The following LNX1 variants were observed in gnomAD, a reference collection of about 807,000 sequenced individuals.
LNX1 encodes ligand of numb-protein X 1.
A neutral mutation model predicts 68.4 loss-of-function variants in LNX1; 54 were observed. That is an observed-to-expected ratio of 0.79 (90% CI 0.63 to 0.99). The LOEUF is 0.99. Ranked by LOEUF, LNX1 falls within the 50% of genes least tolerant of loss-of-function variation. The probability of loss-of-function intolerance (pLI) is 0.00; values close to 1 mark genes in which losing one functional copy is unlikely to be tolerated. For synonymous variants in LNX1, 336 were observed against 350.0 expected, an observed-to-expected ratio of 0.96 and a Z score of 0.45; for missense variants, 906 against 926.4, an observed-to-expected ratio of 0.98 and a Z score of 0.29.
intron 1 of LNX1, among the ~76,000 whole-genome samples, chr4:53,638,341 A>G (rs1191176733): frequency 1.3e-5 from 2 of 152,218 alleles, no homozygotes; most frequent in Non-Finnish European, 2.9e-5. Context: ...GGTATAGTCA[A>G]TTGGTCAACC....
At chr4:53,613,520 C>T (rs868198565) in intron 2 of LNX1, among the ~76,000 whole-genome samples, 7 of 152,206 alleles carry the variant, frequency 4.6e-5, no homozygotes, top group Middle Eastern at 3.4e-3. Context: ...CACCCCCCAC[C>T]GTCCAGTAAG....
chr4:53,475,905 G>A (rs1723530611), intron 9 of LNX1, among the ~76,000 whole-genome samples: 1 of 152,180 alleles, frequency 6.6e-6, no homozygotes, highest in East Asian at 1.9e-4. Context: ...CCTAAGGAGA[G>A]ATGATCTAAG....
rs1228258255 is a variant in LNX1, at chr4:53,576,473, GC to G, written c.-86-2386del. The G allele has an allele frequency of 7.5e-6, 10 of 1,330,772 alleles. No individual in the cohort carries two copies. In the Admixed American group the frequency reaches 3.2e-4, roughly 42 times the overall value. The allele number at this position is 1,330,772 out of a possible 1,614,324, so 82.4% of individuals were successfully genotyped here. A position where few individuals can be genotyped will look rare whatever the true frequency, so the allele number is the denominator to read the frequency against. The stretch of plus-strand genomic sequence containing the variant: ...AGTGCAGCTGACTCTTCCCAGGACA[GC>G]CCTGCCCTTCCCATGAGGCAGGCTC... On this transcript the variant is annotated intron_variant, in intron 1 of 10. Coordinates refer to ENST00000263925, the MANE Select transcript of LNX1 (RefSeq NM_001126328.3).
intron 2 of LNX1, among the ~76,000 whole-genome samples, chr4:53,561,393 A>C (rs566000383): frequency 6.6e-6 from 1 of 152,106 alleles, no homozygotes; most frequent in South Asian, 2.1e-4. Context: ...ACACCCAGCT[A>C]ATTTTTCTAT....
chr4:53,565,833 G>A (rs1013786584), intron 2 of LNX1, among the ~76,000 whole-genome samples: 5 of 151,768 alleles, frequency 3.3e-5, no homozygotes, highest in Middle Eastern at 3.2e-3. Flanking sequence ...ACCAAGGCTC[G>A]AGAACTACGT....
intron 2 of LNX1, among the ~76,000 whole-genome samples, chr4:53,610,857 A>G (rs1250718910): frequency 3.3e-5 from 5 of 152,062 alleles, no homozygotes; most frequent in Admixed American, 3.3e-4. Flanking sequence ...ATAAATTTAA[A>G]CTTGTTATAT....
intron 6 of LNX1, among the ~76,000 whole-genome samples, chr4:53,495,114 A>G (rs999321770): frequency 2.0e-5 from 3 of 152,208 alleles, no homozygotes; most frequent in Admixed American, 1.3e-4. Context: ...GTGATGCCAT[A>G]CTATGGTTTT....
chr4:53,641,822 ATT>A (rs1734691153), intron 1 of LNX1, among the ~76,000 whole-genome samples: 1 of 152,124 alleles, frequency 6.6e-6, no homozygotes, highest in South Asian at 2.1e-4. Context: ...TGGTATGATA[ATT>A]TCAGGATTTA....
rs538473433 is a variant in LNX1, at chr4:53,590,570, T to C, written c.-87+818A>G. ...CAAAAATGGATCCTAGAGGTAAAAT[T>C]ACTTTAAAAGCCAGGTCCTGGCAGA... On this transcript the variant is annotated intron_variant, in intron 1 of 10. Coordinates refer to ENST00000263925, the MANE Select transcript of LNX1 (RefSeq NM_001126328.3). Among the ~76,000 whole-genome samples the C allele has an allele frequency of 4.6e-5, 7 of 152,220 alleles. No homozygotes were observed. The South Asian group carries it at 1.5e-3, about 32-fold the overall frequency.
intron 4 of LNX1, among the ~76,000 whole-genome samples, chr4:53,502,470 T>C (rs949265180): frequency 1.3e-5 from 2 of 152,228 alleles, no homozygotes; most frequent in Non-Finnish European, 2.9e-5. Flanking sequence ...TGCTAAAACA[T>C]GCTGTTTAAC....
chr4:53,651,504 G>A lies in LNX1; in HGVS notation c.-215+664C>T, dbSNP rs186351320. 8.3e-4 allele frequency among the ~76,000 whole-genome samples: 126 copies of A among 152,354 alleles called. 1 individual carries two copies. The highest frequency in any genetic ancestry group is 2.9e-3 in the African/African-American group (122 of 41,592). ...GGCTATCTATTTCTGGATTTTCCAG[G>A]AGAGTTCCAATTTCTAAAATTCCAT... On this transcript the variant is annotated intron_variant, in intron 1 of 2. Transcript: ENST00000507168.
chr4:53,524,252 T>C (rs546022676), intron 2 of LNX1: 2 of 152,290 alleles, frequency 1.3e-5, no homozygotes, highest in East Asian at 3.9e-4. Context: ...AAAACTGTGG[T>C]GGATTTGAAG....
At chr4:53,635,264 T>A (rs3942650) in intron 1 of LNX1, among the ~76,000 whole-genome samples, 1 of 151,912 alleles carries the variant, frequency 6.6e-6, no homozygotes, top group Admixed American at 6.5e-5. Flanking sequence ...AGAGGCCAGA[T>A]GTGGAGAGAG....
At chr4:53,511,552 T>C (rs934098025) in intron 2 of LNX1, among the ~76,000 whole-genome samples, 4 of 152,210 alleles carry the variant, frequency 2.6e-5, no homozygotes, top group African/African-American at 7.2e-5. Flanking sequence ...TCCATTCAAA[T>C]GAGCAACTCT....
chr4:53,510,705 A>G (rs1342002849), intron 2 of LNX1, among the ~76,000 whole-genome samples: 1 of 152,252 alleles, frequency 6.6e-6, no homozygotes, highest in African/African-American at 2.4e-5. Context: ...GGCTGGTAGT[A>G]TCTGATTAGC....
intron 9 of LNX1, among the ~76,000 whole-genome samples, chr4:53,466,791 C>T (rs1337606457): frequency 2.6e-5 from 4 of 152,218 alleles, no homozygotes; most frequent in South Asian, 4.1e-4. Context: ...GAGGGGCGCC[C>T]GCCATTGCCC....
At chr4:53,472,688 A>C (rs12503229) in intron 9 of LNX1, among the ~76,000 whole-genome samples, 18,621 of 121,834 alleles carry the variant, frequency 0.15, 1,253 homozygotes, top group Middle Eastern at 0.19. Context: ...ACAACAACAA[A>C]AAAAAAAAAA....
intron 9 of LNX1, among the ~76,000 whole-genome samples, chr4:53,473,432 A>T (rs1225579090): frequency 1.3e-5 from 2 of 152,244 alleles, no homozygotes; most frequent in African/African-American, 4.8e-5. Context: ...CTAGATAAAG[A>T]AAATGTGGTA....
intron 2 of LNX1, among the ~76,000 whole-genome samples, chr4:53,554,684 T>G (rs1001832772): frequency 2.6e-5 from 4 of 152,116 alleles, no homozygotes; most frequent in East Asian, 1.9e-4. Context: ...AAACCCCTTC[T>G]CTACTAAAAA....
Sources: gnomAD v4.1 joint callset for allele counts (sites outside exome capture counted in the v4.1 genomes callset) on GRCh38, gnomAD v4.1.1 for gene constraint, MANE v1.5 for transcripts, NCBI Gene and HGNC (gene_info 2026-07-23, HGNC 2026-07-21) for gene names.